Variants in STXBP5L observed in about 807,000 individuals in gnomAD.
STXBP5L encodes the protein syntaxin binding protein 5L.
In STXBP5L, 65 loss-of-function variants were observed where a neutral mutation model predicts 144.5. The ratio of observed to expected loss-of-function variants is 0.45; its 90% CI spans 0.37 to 0.55. The LOEUF is 0.55. STXBP5L is among the 20% of genes least tolerant of loss of function. The pLI is 0.00. For missense variants in STXBP5L, 1,298 were observed against 1,405.5 expected, an observed-to-expected ratio of 0.92 and a Z score of 1.22; for synonymous variants, 505 against 469.6, an observed-to-expected ratio of 1.08 and a Z score of -0.97.
At chr3:121,417,882 C>CAG (rs147529183) in intron 25 of STXBP5L, among the ~76,000 whole-genome samples, 24 of 151,282 alleles carry the variant, frequency 1.6e-4, no homozygotes, top group African/African-American at 3.4e-4. Context: ...TCAGTATTTA[C>CAG]AGAGAGAGAG....
intron 6 of STXBP5L, among the ~76,000 whole-genome samples, chr3:121,118,624 A>G (rs1324270600): frequency 6.6e-6 from 1 of 151,708 alleles, no homozygotes; most frequent in Non-Finnish European, 1.5e-5. Context: ...AATCAAATCT[A>G]TATTTTAGGA....
At chr3:121,381,626 A>G in intron 22 of STXBP5L, 94 bp downstream of exon 22, 1 of 1,492,420 alleles carries the variant, frequency 6.7e-7, no homozygotes, top group Non-Finnish European at 9.0e-7. Context: ...TTTGGAGCAA[A>G]GGTTATAAGT....
chr3:121,101,880 G>C (rs528900305), intron 5 of STXBP5L, among the ~76,000 whole-genome samples: 1 of 151,958 alleles, frequency 6.6e-6, no homozygotes, highest in South Asian at 2.1e-4. Context: ...GTTCAGTAAA[G>C]TTTCCGGATA....
At chr3:121,417,019 T>A (rs1001200812) in intron 25 of STXBP5L, among the ~76,000 whole-genome samples, 2 of 152,158 alleles carry the variant, frequency 1.3e-5, no homozygotes, top group African/African-American at 4.8e-5. Context: ...TGGTACAACA[T>A]GGATAAACCT....
At chr3:121,030,167 C>T (rs12495664) in intron 3 of STXBP5L, among the ~76,000 whole-genome samples, 5,244 of 152,188 alleles carry the variant, frequency 0.034, 332 homozygotes, top group Admixed American at 0.17. Context: ...ACTCAGCAAT[C>T]CCATTACTGG....
intron 9 of STXBP5L, among the ~76,000 whole-genome samples, chr3:121,175,167 C>A (rs571474578): frequency 5.9e-5 from 9 of 152,192 alleles, no homozygotes; most frequent in African/African-American, 2.2e-4. Context: ...TACAACTGGA[C>A]AAACTGTAGG....
chr3:121,005,685 GT>G (rs1944231539), intron 3 of STXBP5L, among the ~76,000 whole-genome samples: 1 of 151,930 alleles, frequency 6.6e-6, no homozygotes, highest in South Asian at 2.1e-4. Context: ...TCTTGTGGGC[GT>G]TTAGTGCTAT....
rs146263372 is a variant in STXBP5L, at chr3:121,362,509, G to T, written c.2177-16207G>T. Among the ~76,000 whole-genome samples, 107 of 151,852 alleles carry T rather than the reference G, an allele frequency of 7.0e-4. No individual in the cohort carries two copies. The East Asian group carries it at 0.02, about 28-fold the overall frequency. ...AGCAGAGGAGCTCCACCCCATAGCC[G>T]CCACCACCCCAGGCCATGAGAAGTA... is the stretch of plus-strand genomic sequence containing the variant. On this transcript the variant is annotated intron_variant, in intron 20 of 26. Transcript: ENST00000471454.
chr3:120,950,629 C>T (rs1711157781), intron 2 of STXBP5L, among the ~76,000 whole-genome samples: 1 of 151,948 alleles, frequency 6.6e-6, no homozygotes, highest in Admixed American at 6.6e-5. Flanking sequence ...TGGTGCGCTG[C>T]ACCCACTGCT....
chr3:120,951,034 G>C lies in STXBP5L; in HGVS notation c.190-3906G>C, dbSNP rs541987669. Among the ~76,000 whole-genome samples, 1,428 of 151,880 alleles carry C rather than the reference G, an allele frequency of 9.4e-3. 8 individuals are homozygous for C. The highest frequency in any genetic ancestry group is 0.02 in the Middle Eastern group (6 of 294). ...ACTATCTGATCTTTGACAAACCTGA[G>C]AAAAACAAGCAATGGGGAAAGGATT... On this transcript the variant is annotated intron_variant, in intron 2 of 26. Coordinates refer to ENST00000471454, the MANE Select transcript of STXBP5L (RefSeq NM_001308330.2).
chr3:121,154,913 G>A (rs551817378), intron 8 of STXBP5L, among the ~76,000 whole-genome samples: 1 of 151,758 alleles, frequency 6.6e-6, no homozygotes, highest in South Asian at 2.1e-4. Flanking sequence ...ATTTCTGCAG[G>A]CTTTCTGATT....
At chr3:121,050,779 C>T (rs1576781446) in intron 5 of STXBP5L, among the ~76,000 whole-genome samples, 1 of 152,166 alleles carries the variant, frequency 6.6e-6, no homozygotes, top group Non-Finnish European at 1.5e-5. Context: ...AATTAAAAGA[C>T]ACAGACTGGC....
intron 11 of STXBP5L, among the ~76,000 whole-genome samples, chr3:121,231,628 G>A (rs1408166506): frequency 6.6e-6 from 1 of 152,080 alleles, no homozygotes; most frequent in African/African-American, 2.4e-5. Context: ...CTAGAGCAAG[G>A]CCCTGCACTA....
At chr3:121,356,029 CA>C (rs1361082128) in intron 20 of STXBP5L, among the ~76,000 whole-genome samples, 4 of 152,206 alleles carry the variant, frequency 2.6e-5, no homozygotes, top group Admixed American at 2.6e-4. Flanking sequence ...GGCTGCAGAA[CA>C]GCAAATATTG....
In STXBP5L at chr3:121,076,460, C is replaced by G. The variant is rs72970647; in HGVS notation, c.470+30925C>G. On this transcript the variant is annotated intron_variant, in intron 5 of 26. Coordinates refer to ENST00000471454, the MANE Select transcript of STXBP5L (RefSeq NM_001308330.2). The stretch of plus-strand genomic sequence containing the variant: ...TGCCTTGCAGTCTCTTTCTGTGGTT[C>G]CTGGTTTTGTCCAGGCCATTAGAGT... Among the ~76,000 whole-genome samples the G allele has an allele frequency of 2.5e-3, 381 of 152,102 alleles. 2 individuals are homozygous for G. Among genetic ancestry groups the G allele is most frequent in the African/African-American group, 8.6e-3 (358 of 41,486 alleles).
At chr3:121,094,903 G>T (rs1202188669) in intron 5 of STXBP5L, among the ~76,000 whole-genome samples, 2 of 152,060 alleles carry the variant, frequency 1.3e-5, no homozygotes, top group African/African-American at 4.8e-5. Flanking sequence ...TTTTGCAGCG[G>T]CTGGTACTGG....
At chr3:121,360,015 A>AAT (rs532276412) in intron 20 of STXBP5L, among the ~76,000 whole-genome samples, 3 of 145,760 alleles carry the variant, frequency 2.1e-5, no homozygotes, top group Admixed American at 7.0e-5. Flanking sequence ...TATATAATAT[A>AAT]ATATATATAT....
chr3:121,173,981 C>A (rs1459520236), intron 9 of STXBP5L, among the ~76,000 whole-genome samples: 1 of 152,016 alleles, frequency 6.6e-6, no homozygotes, highest in Non-Finnish European at 1.5e-5. Flanking sequence ...GAGGGATCAC[C>A]TTTTACTGTG....
chr3:121,388,560 A>G (rs1347558814), intron 22 of STXBP5L, among the ~76,000 whole-genome samples: 1 of 152,178 alleles, frequency 6.6e-6, no homozygotes, highest in East Asian at 1.9e-4. Context: ...ATTTTGAGAT[A>G]TGTTCCATCA....
Sources: gnomAD v4.1 joint callset for allele counts (sites outside exome capture counted in the v4.1 genomes callset) on GRCh38, gnomAD v4.1.1 for gene constraint, MANE v1.5 for transcripts, NCBI Gene and HGNC (gene_info 2026-07-23, HGNC 2026-07-21) for gene names.